ACVR1C: variants seen among roughly 807,000 people sequenced by gnomAD.
ACVR1C encodes activin receptor type-1C.
ACVR1C carries 23 observed loss-of-function variants against 57.9 expected under a neutral mutation model. That is an observed-to-expected ratio of 0.40 (90% CI 0.29 to 0.56). ACVR1C has a LOEUF of 0.56. Ranked by LOEUF, ACVR1C falls within the 20% of genes least tolerant of loss-of-function variation. The pLI is 0.50. For synonymous variants in ACVR1C, 214 were observed against 215.3 expected, an observed-to-expected ratio of 0.99 and a Z score of 0.05; for missense variants, 480 against 607.9, an observed-to-expected ratio of 0.79 and a Z score of 2.21.
chr2:157,553,155 A>G (rs1687960114), intron 3 of ACVR1C, among the ~76,000 whole-genome samples: 1 of 152,180 alleles, frequency 6.6e-6, no homozygotes, highest in East Asian at 1.9e-4. Context: ...CTGGCCAATT[A>G]AGAAAAGCAG....
chr2:157,574,756 T>C (rs1688603860), intron 2 of ACVR1C, among the ~76,000 whole-genome samples: 1 of 152,162 alleles, frequency 6.6e-6, no homozygotes. Context: ...TTCTCCCTCA[T>C]GGGAAAGAGA....
chr2:157,627,224 T>G (rs764162936), intron 1 of ACVR1C, among the ~76,000 whole-genome samples: 1 of 152,182 alleles, frequency 6.6e-6, no homozygotes, highest in Non-Finnish European at 1.5e-5. Flanking sequence ...TTGTAAACTC[T>G]ATTAAATTGT....
intron 1 of ACVR1C, among the ~76,000 whole-genome samples, chr2:157,627,966 T>C (rs914753751): frequency 2.6e-5 from 4 of 152,206 alleles, no homozygotes; most frequent in Admixed American, 2.0e-4. Flanking sequence ...AGAATTTTTT[T>C]CCCCAGGAAC....
intron 8 of ACVR1C, among the ~76,000 whole-genome samples, chr2:157,534,916 T>C (rs1030839921): frequency 6.6e-6 from 1 of 151,978 alleles, no homozygotes; most frequent in African/African-American, 2.4e-5. Flanking sequence ...AGCACTTTGG[T>C]AGGCCGAGGT....
chr2:157,546,861 C>T (rs996858102), intron 4 of ACVR1C, among the ~76,000 whole-genome samples: 8 of 151,530 alleles, frequency 5.3e-5, no homozygotes, highest in African/African-American at 1.7e-4. Context: ...TACATGTGCA[C>T]ATTGTGCAGG....
chr2:157,592,522 T>G (rs1302577537), intron 1 of ACVR1C, among the ~76,000 whole-genome samples: 3 of 152,116 alleles, frequency 2.0e-5, no homozygotes, highest in African/African-American at 7.2e-5. Flanking sequence ...ATCTGCTACA[T>G]GTTCCCATTT....
intron 2 of ACVR1C, among the ~76,000 whole-genome samples, chr2:157,585,590 T>C (rs1688900104): frequency 6.6e-6 from 1 of 152,150 alleles, no homozygotes; most frequent in South Asian, 2.1e-4. Flanking sequence ...ATTGGGAAGA[T>C]ACATTACAAG....
At chr2:157,557,506 C>A (rs1033386970) in intron 2 of ACVR1C, among the ~76,000 whole-genome samples, 2 of 152,078 alleles carry the variant, frequency 1.3e-5, no homozygotes, top group Non-Finnish European at 2.9e-5. Context: ...CCTGACACAT[C>A]ATATACTCAT....
At chr2:157,601,627 A>C (rs1457464064) in intron 1 of ACVR1C, among the ~76,000 whole-genome samples, 1 of 152,218 alleles carries the variant, frequency 6.6e-6, no homozygotes, top group Non-Finnish European at 1.5e-5. Context: ...ATAGCAAAGA[A>C]ACAAACGAAA....
At chr2:157,579,659 T>C (rs1418024916) in intron 2 of ACVR1C, among the ~76,000 whole-genome samples, 1 of 152,232 alleles carries the variant, frequency 6.6e-6, no homozygotes, top group Non-Finnish European at 1.5e-5. Context: ...TTATTCATAC[T>C]GCCTCACATG....
intron 1 of ACVR1C, among the ~76,000 whole-genome samples, chr2:157,615,944 A>G (rs536049064): frequency 6.6e-6 from 1 of 152,294 alleles, no homozygotes; most frequent in East Asian, 1.9e-4. Flanking sequence ...TTATCTTTGA[A>G]TGTCATCAGT....
At chr2:157,536,641 C>G (rs1687493764) in intron 8 of ACVR1C, among the ~76,000 whole-genome samples, 1 of 151,842 alleles carries the variant, frequency 6.6e-6, no homozygotes, top group South Asian at 2.1e-4. Flanking sequence ...TAGGTCTTCT[C>G]TAAAAAAATT....
At chr2:157,608,314 C>T (rs1328127539) in intron 1 of ACVR1C, among the ~76,000 whole-genome samples, 1 of 151,916 alleles carries the variant, frequency 6.6e-6, no homozygotes, top group Non-Finnish European at 1.5e-5. Flanking sequence ...TTGAACCATA[C>T]TTGCATCCCT....
intron 2 of ACVR1C, 53 bp from the exon 3 acceptor site, chr2:157,556,385 T>C: frequency 1.3e-6 from 2 of 1,596,120 alleles, no homozygotes; most frequent in African/African-American, 2.7e-5. Context: ...TTTTAAGTAT[T>C]TTTGGAATTG....
Position 157,533,209 on chromosome 2 carries a change from C to T in ACVR1C, c.*709G>A, listed in dbSNP as rs895954605. 6.6e-5 allele frequency: 10 copies of T among 152,180 alleles called. No homozygotes were observed. The highest frequency in any genetic ancestry group is 2.2e-4 in the African/African-American group (9 of 41,438). 9.4% of individuals were successfully genotyped at this position (152,180 alleles called of 1,614,324 possible). A position where few individuals can be genotyped will look rare whatever the true frequency, so the allele number is the denominator to read the frequency against. On this transcript the variant is annotated 3_prime_UTR_variant, in exon 9 of 9. Coordinates refer to ENST00000243349, the MANE Select transcript of ACVR1C (RefSeq NM_145259.3). ...GATTTGGACCTAGTGCCAGTTCTGC[C>T]ATTAGCTGTGTGACTTCAGGACATT...
chr2:157,576,031 A>G (rs1688640197), intron 2 of ACVR1C, among the ~76,000 whole-genome samples: 2 of 152,060 alleles, frequency 1.3e-5, no homozygotes, highest in Admixed American at 1.3e-4. Context: ...TAATGAATAT[A>G]CAGAAAATTA....
chr2:157,542,672 C>T (rs1167901441), intron 6 of ACVR1C, 34 bp downstream of exon 6: 2 of 1,597,510 alleles, frequency 1.3e-6, no homozygotes, highest in South Asian at 2.3e-5. Flanking sequence ...GGCACTCTCA[C>T]ATCTTACTAT....
intron 7 of ACVR1C, 132 bp downstream of exon 7, chr2:157,540,958 C>T (rs1687612519): frequency 8.8e-7 from 1 of 1,137,434 alleles, no homozygotes; most frequent in South Asian, 1.9e-5. Context: ...GGAAATATAT[C>T]ACCAAAAGGT....
intron 8 of ACVR1C, among the ~76,000 whole-genome samples, chr2:157,535,977 G>A (rs1461130184): frequency 6.6e-6 from 1 of 152,022 alleles, no homozygotes; most frequent in Non-Finnish European, 1.5e-5. Flanking sequence ...GCCAGGCTTG[G>A]CACATACAAA....
Sources: gnomAD v4.1 joint callset for allele counts (sites outside exome capture counted in the v4.1 genomes callset) on GRCh38, gnomAD v4.1.1 for gene constraint, MANE v1.5 for transcripts, NCBI Gene and HGNC (gene_info 2026-07-23, HGNC 2026-07-21) for gene names.